Variants in RTL4 observed in about 807,000 individuals in gnomAD.
RTL4 encodes the protein retrotransposon Gag like 4, also known as retrotransposon Gag-like protein 4.
RTL4 carries 4 observed loss-of-function variants against 5.3 expected under a neutral mutation model. The ratio of observed to expected loss-of-function variants is 0.75; its 90% CI spans 0.37 to 1.72. The LOEUF (loss-of-function observed/expected upper bound fraction) is 1.72, where lower values mean the gene tolerates loss of function less well. Ranked by LOEUF, RTL4 falls within the 40% of genes most tolerant of loss-of-function variation. RTL4 has a pLI of 0.04. For synonymous variants in RTL4, 98 were observed against 87.3 expected (o/e 1.12, Z -0.68); for missense variants, 260 against 227.1 (o/e 1.14, Z -0.93).
the RTL4 span, among the ~76,000 whole-genome samples, chrX:112,257,906 CAT>C: frequency 9.8e-6 from 1 of 102,494 alleles, no homozygotes. Flanking sequence ...TATATATACA[CAT>C]ATATATATAA....
the RTL4 span, among the ~76,000 whole-genome samples, chrX:112,330,910 G>A: frequency 9.0e-6 from 1 of 110,891 alleles, no homozygotes; most frequent in Non-Finnish European, 1.9e-5. Flanking sequence ...ATGGGGAAAG[G>A]ATTCCCTATT....
the RTL4 span, among the ~76,000 whole-genome samples, chrX:112,400,568 C>T: frequency 9.0e-6 from 1 of 111,294 alleles, no homozygotes; most frequent in Non-Finnish European, 1.9e-5. Flanking sequence ...TATTTACCTC[C>T]TTTTTTGTCT....
the RTL4 span, among the ~76,000 whole-genome samples, chrX:112,297,559 T>C: frequency 9.0e-6 from 1 of 111,309 alleles, no homozygotes; most frequent in Admixed American, 9.6e-5. Context: ...ACCATCCTCA[T>C]GATCCAATCA....
the RTL4 span, among the ~76,000 whole-genome samples, chrX:112,376,285 T>G: frequency 5.4e-5 from 6 of 111,530 alleles, no homozygotes; most frequent in Non-Finnish European, 1.1e-4. Flanking sequence ...TATGTCAAAG[T>G]CTATTGAATC....
the RTL4 span, among the ~76,000 whole-genome samples, chrX:112,200,764 A>G: frequency 1.8e-5 from 2 of 112,121 alleles, no homozygotes; most frequent in East Asian, 5.6e-4. Flanking sequence ...ATGAGTCTGC[A>G]ATCATTCGGA....
At chrX:112,351,847 G>A in the RTL4 span, among the ~76,000 whole-genome samples, 2 of 111,331 alleles carry the variant, frequency 1.8e-5, no homozygotes, top group African/African-American at 6.5e-5. Flanking sequence ...TCTTTTAATT[G>A]GAGTATTTAG....
the RTL4 span, among the ~76,000 whole-genome samples, chrX:112,234,282 T>A: frequency 8.9e-6 from 1 of 111,929 alleles, no homozygotes; most frequent in African/African-American, 3.3e-5. Context: ...AGTGTTTATC[T>A]TCTGTAACTT....
chrX:112,324,288 T>A, the RTL4 span, among the ~76,000 whole-genome samples: 9 of 112,353 alleles, frequency 8.0e-5, no homozygotes, highest in Non-Finnish European at 1.5e-4. Context: ...TGAATAATAT[T>A]TCATTGCATG....
the RTL4 span, among the ~76,000 whole-genome samples, chrX:112,321,912 T>G: frequency 8.9e-6 from 1 of 112,095 alleles, no homozygotes; most frequent in Non-Finnish European, 1.9e-5. Flanking sequence ...AAATTTCTCA[T>G]GTACCCCATA....
the RTL4 span, among the ~76,000 whole-genome samples, chrX:112,336,358 T>C: frequency 1.9e-3 from 217 of 111,982 alleles, no homozygotes; most frequent in African/African-American, 6.7e-3. Flanking sequence ...TTTCCTTTTA[T>C]TTTTAATAGT....
At chrX:112,326,278 G>T in the RTL4 span, among the ~76,000 whole-genome samples, 135 of 111,572 alleles carry the variant, frequency 1.2e-3, 1 homozygote, top group Non-Finnish European at 2.0e-3. Context: ...GACAGTGGGC[G>T]CAGGTCAGTG....
At chrX:112,225,891 G>A in the RTL4 span, among the ~76,000 whole-genome samples, 32 of 111,864 alleles carry the variant, frequency 2.9e-4, no homozygotes, top group Non-Finnish European at 3.9e-4. Context: ...TGGTGTACTC[G>A]TTGTCAAACC....
upstream of RTL4, among the ~76,000 whole-genome samples, chrX:112,452,476 G>T (rs1926757173): frequency 9.2e-6 from 1 of 109,133 alleles, no homozygotes; most frequent in African/African-American, 3.3e-5. Flanking sequence ...TGGCAGTAAT[G>T]AACTCATTGA....
the RTL4 span, among the ~76,000 whole-genome samples, chrX:112,142,150 A>G: frequency 1.8e-5 from 2 of 112,559 alleles, no homozygotes; most frequent in African/African-American, 6.5e-5. Flanking sequence ...ATACAAATCA[A>G]TAGAACTACC....
chrX:112,436,547 G>A, the RTL4 span, among the ~76,000 whole-genome samples: 1 of 111,893 alleles, frequency 8.9e-6, no homozygotes, highest in Non-Finnish European at 1.9e-5. Flanking sequence ...GTTTCTGAAA[G>A]CAAATATGAT....
chrX:112,108,862 G>A, the RTL4 span, among the ~76,000 whole-genome samples: 1 of 111,470 alleles, frequency 9.0e-6, no homozygotes, highest in East Asian at 2.9e-4. Flanking sequence ...GGTCTGGCCT[G>A]GCCCTGAGAC....
the RTL4 span, among the ~76,000 whole-genome samples, chrX:112,197,746 C>T: frequency 9.0e-6 from 1 of 111,257 alleles, no homozygotes; most frequent in Admixed American, 9.6e-5. Context: ...GCTGTGCTTT[C>T]TTCTCTCTAC....
the RTL4 span, among the ~76,000 whole-genome samples, chrX:112,142,157 T>C: frequency 2.7e-5 from 3 of 112,290 alleles, no homozygotes; most frequent in Non-Finnish European, 5.6e-5. Flanking sequence ...TCAATAGAAC[T>C]ACCAAAGAGA....
At chrX:112,423,907 T>C in the RTL4 span, among the ~76,000 whole-genome samples, 1 of 111,749 alleles carries the variant, frequency 8.9e-6, no homozygotes, top group Non-Finnish European at 1.9e-5. Flanking sequence ...ACCTATCTAA[T>C]ATCCTAAAAC....
Sources: allele counts gnomAD v4.1 joint callset (sites outside exome capture counted in the v4.1 genomes callset), GRCh38; gene constraint gnomAD v4.1.1; transcripts MANE v1.5; gene names NCBI Gene and HGNC (gene_info 2026-07-23, HGNC 2026-07-21).